Variants in ENTREP1 observed in about 807,000 individuals in gnomAD.
The protein encoded by ENTREP1 is Friedreich ataxia region gene X123.
At chr9:69,325,573 C>T in the ENTREP1 span, 20 of 1,221,480 alleles carry the variant, frequency 1.6e-5, no homozygotes, top group African/African-American at 2.7e-4. Context: ...CGGCCCCGGG[C>T]TCCGCGCTGC....
chr9:69,377,852 A>C, the ENTREP1 span: 1 of 1,323,974 alleles, frequency 7.6e-7, no homozygotes, highest in East Asian at 2.5e-5. Context: ...TTGAAAAAGA[A>C]AAAGAAAAAT....
the ENTREP1 span, among the ~76,000 whole-genome samples, chr9:69,367,762 TAC>T: frequency 1.2e-5 from 1 of 86,392 alleles, no homozygotes; most frequent in Non-Finnish European, 2.4e-5. Context: ...AATATATATA[TAC>T]ACATATATAT....
chr9:69,327,647 C>T, the ENTREP1 span, among the ~76,000 whole-genome samples: 3 of 69,816 alleles, frequency 4.3e-5, no homozygotes, highest in Non-Finnish European at 6.9e-5. Flanking sequence ...AAAAAAAGGC[C>T]TTCCACCAGA....
chr9:69,345,633 C>T, the ENTREP1 span, among the ~76,000 whole-genome samples: 3 of 152,224 alleles, frequency 2.0e-5, no homozygotes, highest in East Asian at 5.8e-4. Flanking sequence ...GACGGAGTCT[C>T]ACTCTGTCAC....
At chr9:69,381,542 A>T in the ENTREP1 span, 2 of 152,182 alleles carry the variant, frequency 1.3e-5, no homozygotes, top group African/African-American at 4.8e-5. Flanking sequence ...AGAATTTCTA[A>T]AAGTGAGGCC....
chr9:69,353,092 G>A, the ENTREP1 span, among the ~76,000 whole-genome samples: 3 of 152,064 alleles, frequency 2.0e-5, no homozygotes, highest in Non-Finnish European at 2.9e-5. Flanking sequence ...AGCCGTGATC[G>A]CACCACTACA....
chr9:69,361,504 A>G, the ENTREP1 span, among the ~76,000 whole-genome samples: 1 of 152,134 alleles, frequency 6.6e-6, no homozygotes, highest in East Asian at 1.9e-4. Context: ...CCACTTACGA[A>G]ATGTACTATA....
the ENTREP1 span, among the ~76,000 whole-genome samples, chr9:69,346,722 A>G: frequency 2.0e-5 from 3 of 152,200 alleles, no homozygotes; most frequent in African/African-American, 7.2e-5. Context: ...GATTCACCTG[A>G]GGCCTTGGTA....
At chr9:69,336,261 A>G in the ENTREP1 span, 2 of 1,586,330 alleles carry the variant, frequency 1.3e-6, no homozygotes, top group South Asian at 2.2e-5. Context: ...AAGGCCTATG[A>G]TACTCCTGGT....
At chr9:69,328,117 T>G in the ENTREP1 span, among the ~76,000 whole-genome samples, 1 of 152,194 alleles carries the variant, frequency 6.6e-6, no homozygotes, top group African/African-American at 2.4e-5. Flanking sequence ...TCACCCAGCT[T>G]CAACAATGGT....
chr9:69,370,465 G>A, the ENTREP1 span, among the ~76,000 whole-genome samples: 1 of 152,162 alleles, frequency 6.6e-6, no homozygotes, highest in Non-Finnish European at 1.5e-5. Context: ...AATCCAGCCT[G>A]GGAAACAGTA....
chr9:69,348,546 A>C, the ENTREP1 span, among the ~76,000 whole-genome samples: 2 of 152,180 alleles, frequency 1.3e-5, no homozygotes, highest in East Asian at 3.8e-4. Context: ...TCAATTATGG[A>C]ATATTTTCAT....
chr9:69,387,807 A>AT, the ENTREP1 span: 1 of 1,017,222 alleles, frequency 9.8e-7, no homozygotes, highest in South Asian at 1.7e-5. Context: ...GGTCAGCCAC[A>AT]TTTTTCCTGC....
At chr9:69,373,326 G>A in the ENTREP1 span, among the ~76,000 whole-genome samples, 3 of 152,092 alleles carry the variant, frequency 2.0e-5, no homozygotes, top group South Asian at 2.1e-4. Flanking sequence ...ACCTTTTTGG[G>A]CAAGGGGTTG....
At chr9:69,381,175 T>G in the ENTREP1 span, 1 of 152,232 alleles carries the variant, frequency 6.6e-6, no homozygotes, top group Non-Finnish European at 1.5e-5. Flanking sequence ...CAGTGAAGTC[T>G]TCCTGGGGAC....
At chr9:69,388,264 A>C in the ENTREP1 span, 2 of 1,614,148 alleles carry the variant, frequency 1.2e-6, no homozygotes, top group South Asian at 2.2e-5. Context: ...CGCGATGCAG[A>C]CCGCGGTCTT....
At chr9:69,340,649 G>GTGTGCA in the ENTREP1 span, among the ~76,000 whole-genome samples, 21 of 144,448 alleles carry the variant, frequency 1.5e-4, no homozygotes, top group Non-Finnish European at 1.2e-4. Context: ...GCATGTGTGT[G>GTGTGCA]TGCATGTGTG....
the ENTREP1 span, among the ~76,000 whole-genome samples, chr9:69,373,604 T>G: frequency 6.6e-6 from 1 of 152,138 alleles, no homozygotes; most frequent in Non-Finnish European, 1.5e-5. Flanking sequence ...AGTTCCTTAT[T>G]TTGTTATTGC....
chr9:69,381,767 A>G, the ENTREP1 span: 3 of 152,274 alleles, frequency 2.0e-5, 1 homozygote, highest in Non-Finnish European at 4.4e-5. Flanking sequence ...ATAGGAAAGG[A>G]ACTTTCCTTC....
Sources: allele counts gnomAD v4.1 joint callset (sites outside exome capture counted in the v4.1 genomes callset), GRCh38; gene constraint gnomAD v4.1.1; transcripts MANE v1.5; gene names NCBI Gene and HGNC (gene_info 2026-07-23, HGNC 2026-07-21).